PTPRD: variants seen among roughly 807,000 people sequenced by gnomAD.
The protein encoded by PTPRD is receptor-type tyrosine-protein phosphatase delta.
PTPRD carries 34 observed loss-of-function variants against 214.5 expected under a neutral mutation model. The ratio of observed to expected loss-of-function variants is 0.16; its 90% CI spans 0.12 to 0.21. The LOEUF is 0.21. Ranked by LOEUF, PTPRD falls within the 10% of genes least tolerant of loss-of-function variation. The pLI, the probability that PTPRD is intolerant of heterozygous loss-of-function variation, is 1.00. For synonymous variants in PTPRD, 1,128 were observed against 845.7 expected (o/e 1.33, Z -5.79); for missense variants, 2,545 against 2,398.7 (o/e 1.06, Z -1.27).
At chr9:10,538,285 A>AATAAATAT (rs2058329308) in intron 2 of PTPRD, among the ~76,000 whole-genome samples, 1 of 146,488 alleles carries the variant, frequency 6.8e-6, no homozygotes, top group Non-Finnish European at 1.5e-5. Flanking sequence ...TAAATAAATA[A>AATAAATAT]ATAAATAAAT....
chr9:8,379,978 T>C (rs2084472526), intron 37 of PTPRD, among the ~76,000 whole-genome samples: 1 of 152,018 alleles, frequency 6.6e-6, no homozygotes, highest in African/African-American at 2.4e-5. Context: ...ATTGTGGGGA[T>C]TGAAGTGATG....
chr9:9,095,996 G>T (rs1348738615), intron 10 of PTPRD, among the ~76,000 whole-genome samples: 4 of 152,148 alleles, frequency 2.6e-5, no homozygotes, highest in African/African-American at 9.7e-5. Flanking sequence ...AAATAAGCCA[G>T]ACTCAGAAAG....
intron 2 of PTPRD, among the ~76,000 whole-genome samples, chr9:10,415,813 G>A (rs1167195528): frequency 6.6e-6 from 1 of 151,778 alleles, no homozygotes; most frequent in Non-Finnish European, 1.5e-5. Context: ...TACAGAAAAA[G>A]AGGGCATGAG....
intron 11 of PTPRD, among the ~76,000 whole-genome samples, chr9:8,735,763 T>C (rs898661628): frequency 6.6e-6 from 1 of 151,712 alleles, no homozygotes; most frequent in Admixed American, 6.6e-5. Context: ...CACAAAAAAA[T>C]TAGCCAGGCG....
intron 4 of PTPRD, among the ~76,000 whole-genome samples, chr9:10,027,005 T>C (rs1248345660): frequency 6.6e-6 from 1 of 152,138 alleles, no homozygotes; most frequent in East Asian, 1.9e-4. Flanking sequence ...AGAGAATGTA[T>C]TGTCTGCAAT....
intron 14 of PTPRD, among the ~76,000 whole-genome samples, chr9:8,604,617 T>C (rs1417853997): frequency 2.6e-5 from 4 of 151,668 alleles, no homozygotes; most frequent in African/African-American, 9.7e-5. Context: ...CTTGCAAAAA[T>C]CCCCAAAGCA....
In PTPRD at chr9:8,855,474, A is replaced by G. The variant is rs113972450; in HGVS notation, c.-103-121528T>C. ...ATCTGTGTTACATAACCTACACAAT[A>G]AAATGTTTAATTCATCCACCTTTTT... On this transcript the variant is annotated intron_variant, in intron 11 of 45. Transcript: ENST00000381196. 8.7e-4 allele frequency among the ~76,000 whole-genome samples: 132 copies of G among 152,198 alleles called. 1 individual carries two copies. The highest frequency in any genetic ancestry group is 1.5e-3 in the Non-Finnish European group (105 of 68,018).
chr9:8,348,699 G>A (rs890343392), intron 39 of PTPRD, among the ~76,000 whole-genome samples: 6 of 152,136 alleles, frequency 3.9e-5, no homozygotes, highest in African/African-American at 1.2e-4. Flanking sequence ...CTGTTCCTCA[G>A]CACTAGTTCA....
chr9:8,911,416 T>G (rs200924360), intron 11 of PTPRD, among the ~76,000 whole-genome samples: 8 of 107,692 alleles, frequency 7.4e-5, no homozygotes, highest in South Asian at 3.0e-4. Flanking sequence ...GTGTGTGTGT[T>G]GTGTGTGTGT....
rs1325842331 is a variant in PTPRD at position 10,552,359 on chromosome 9, T to A, written c.-600+60039A>T. Among the ~76,000 whole-genome samples the A allele has an allele frequency of 3.9e-5, 6 of 152,180 alleles. 1 individual carries two copies. Among genetic ancestry groups the A allele is most frequent in the African/African-American group, 1.2e-4 (5 of 41,452 alleles). On this transcript the variant is annotated intron_variant, in intron 2 of 45. Transcript: ENST00000381196. ...CACCATGCTTTTGGATACCTATTGC[T>A]CCCCAAACTCTTAATTTTGCAATCA...
intron 12 of PTPRD, among the ~76,000 whole-genome samples, chr9:8,638,665 C>T (rs536667618): frequency 1.3e-5 from 2 of 152,114 alleles, no homozygotes; most frequent in South Asian, 2.1e-4. Flanking sequence ...GCAAATTCAA[C>T]TTGTTGGTGA....
chr9:8,591,509 T>G (rs1210129370), intron 14 of PTPRD, among the ~76,000 whole-genome samples: 1 of 152,180 alleles, frequency 6.6e-6, no homozygotes, highest in Non-Finnish European at 1.5e-5. Context: ...TTTCAAAAGA[T>G]AAACTGCTTG....
At chr9:10,542,244 A>G (rs1314789590) in intron 2 of PTPRD, among the ~76,000 whole-genome samples, 2 of 152,156 alleles carry the variant, frequency 1.3e-5, no homozygotes, top group Admixed American at 6.5e-5. Flanking sequence ...ATTCTGCATC[A>G]GCTCATACTG....
intron 11 of PTPRD, among the ~76,000 whole-genome samples, chr9:8,811,296 C>A (rs2096797688): frequency 6.6e-6 from 1 of 152,092 alleles, no homozygotes; most frequent in Admixed American, 6.6e-5. Context: ...CACCAAGATG[C>A]TGGCATTTAT....
At chr9:8,764,229 CA>C (rs1565884516) in intron 11 of PTPRD, among the ~76,000 whole-genome samples, 1 of 152,108 alleles carries the variant, frequency 6.6e-6, no homozygotes, top group East Asian at 1.9e-4. Flanking sequence ...TCCTACTCTA[CA>C]TATTTTACTG....
At chr9:10,075,042 ATTCT>A (rs2098111021) in intron 3 of PTPRD, among the ~76,000 whole-genome samples, 3 of 152,292 alleles carry the variant, frequency 2.0e-5, no homozygotes, top group African/African-American at 7.2e-5. Context: ...TTATAAATTC[ATTCT>A]GTGTGGATTT....
At chr9:9,646,334 T>G (rs1422600431) in intron 7 of PTPRD, among the ~76,000 whole-genome samples, 1 of 149,420 alleles carries the variant, frequency 6.7e-6, no homozygotes. Context: ...TGTGTGTGTG[T>G]GTGTGTGTGG....
At chr9:8,633,539 T>G in intron 13 of PTPRD, 81 bp from the exon 14 acceptor site, 1 of 1,494,260 alleles carries the variant, frequency 6.7e-7, no homozygotes, top group African/African-American at 1.4e-5. Context: ...CAGTGGTGGA[T>G]CCGCCATTAG....
At chr9:9,713,736 G>A (rs1298524141) in intron 7 of PTPRD, among the ~76,000 whole-genome samples, 1 of 152,086 alleles carries the variant, frequency 6.6e-6, no homozygotes, top group Non-Finnish European at 1.5e-5. Flanking sequence ...GACAGTGGGA[G>A]GAAAGAGAAC....
Sources: allele counts gnomAD v4.1 joint callset (sites outside exome capture counted in the v4.1 genomes callset), GRCh38; gene constraint gnomAD v4.1.1; transcripts MANE v1.5; gene names NCBI Gene and HGNC (gene_info 2026-07-23, HGNC 2026-07-21).